Variants in CES5A observed in about 807,000 individuals in gnomAD.
The protein encoded by CES5A is carboxylesterase 5A.
A neutral mutation model predicts 62.9 loss-of-function variants in CES5A; 67 were observed. The observed-to-expected ratio is 1.07, with a 90% CI of 0.88 to 1.31. CES5A has a LOEUF of 1.31. Ranked by LOEUF, CES5A falls within the 50% of genes most tolerant of loss-of-function variation. The pLI is 0.00. For synonymous variants in CES5A, 296 were observed against 280.8 expected (o/e 1.05, Z -0.54); for missense variants, 748 against 708.5 (o/e 1.06, Z -0.63).
At chr16:55,846,892 C>T in intron 11 of CES5A, 52 bp from the exon 12 acceptor site, 4 of 1,480,568 alleles carry the variant, frequency 2.7e-6, no homozygotes, top group Non-Finnish European at 2.8e-6. Flanking sequence ...CTCGGGAAGC[C>T]CCGGGTGCCT....
At chr16:55,911,409 T>C (rs1375915114) in intron 1 of CES5A, among the ~76,000 whole-genome samples, 10 of 152,176 alleles carry the variant, frequency 6.6e-5, no homozygotes, top group Non-Finnish European at 1.5e-4. Flanking sequence ...GAAACGATCG[T>C]GGTGGACAAC....
rs113528963 is a variant in CES5A at position 55,863,064 on chromosome 16, G to A, written c.810+284C>T. On this transcript the variant is annotated intron_variant, in intron 6 of 12. Transcript: ENST00000290567. ...GCACAGAAGAACTGTATAGAATACAGGGGACTGACTTATCTATCACAAGCA... is the reference window on the plus strand; with the variant it reads ...GCACAGAAGAACTGTATAGAATACAAGGGACTGACTTATCTATCACAAGCA... Among the ~76,000 whole-genome samples the A allele has an allele frequency of 2.7e-3, 416 of 152,318 alleles. 7 individuals carry two copies. The highest frequency in any genetic ancestry group is 9.4e-3 in the African/African-American group (390 of 41,558).
upstream of CES5A, among the ~76,000 whole-genome samples, chr16:55,879,069 A>T (rs1471080498): frequency 7.4e-6 from 1 of 134,846 alleles, no homozygotes; most frequent in African/African-American, 2.9e-5. Flanking sequence ...GCACCCCATC[A>T]CTGCACCTCC....
rs368739214 is a variant in CES5A at position 55,901,867 on chromosome 16, GC to G, written c.-256+23455del. ...CAGTGGGTTTTATTTTAATTTCGAG[GC>G]TTACAATTACATTGCAGCTGTGCTG... On this transcript the variant is annotated intron_variant, in intron 1 of 12. Coordinates refer to the CES5A transcript ENST00000518005. Among the ~76,000 whole-genome samples, 7 of 152,208 alleles carry G rather than the reference GC, an allele frequency of 4.6e-5. No individual in the cohort carries two copies. In the East Asian group the frequency reaches 1.2e-3, roughly 25 times the overall value.
At chr16:55,933,933 C>T (rs1252047576) in intron 2 of CES5A, among the ~76,000 whole-genome samples, 1 of 152,134 alleles carries the variant, frequency 6.6e-6, no homozygotes, top group Non-Finnish European at 1.5e-5. Flanking sequence ...CTATCATCTC[C>T]TCTTATTCAT....
Position 55,866,677 on chromosome 16 carries a change from AATAC to A in CES5A, c.552-565_552-562del, listed in dbSNP as rs1367244941. Reference sequence around the variant, plus strand: ...CTCTGCTAAAAAAAAAAAAAAAAAAAATACAAAAAAATTAGCTGGACACGGTGGC... The same window carrying A: ...CTCTGCTAAAAAAAAAAAAAAAAAAAAAAAAAATTAGCTGGACACGGTGGC... On this transcript the variant is annotated intron_variant, in intron 4 of 12. Transcript: ENST00000290567. Among the ~76,000 whole-genome samples, 67 of 132,058 alleles carry A rather than the reference AATAC, an allele frequency of 5.1e-4. 4 individuals carry two copies. Among genetic ancestry groups the A allele is most frequent in the African/African-American group, 1.1e-3 (36 of 33,300 alleles). 86.6% of individuals were successfully genotyped at this position (132,058 alleles called of 152,430 possible).
At chr16:55,919,490 G>A (rs1392961555) in intron 1 of CES5A, among the ~76,000 whole-genome samples, 1 of 152,042 alleles carries the variant, frequency 6.6e-6, no homozygotes, top group African/African-American at 2.4e-5. Context: ...CTTTCCTCAG[G>A]AAGTATGGAC....
chr16:55,939,542 A>G (rs1285907857), intron 2 of CES5A, among the ~76,000 whole-genome samples: 1 of 152,052 alleles, frequency 6.6e-6, no homozygotes, highest in Admixed American at 6.5e-5. Flanking sequence ...GCCCCCTGAC[A>G]CCCTGATGTG....
chr16:55,892,076 T>G (rs1387558405), intron 1 of CES5A, among the ~76,000 whole-genome samples: 2 of 152,090 alleles, frequency 1.3e-5, no homozygotes, highest in African/African-American at 2.4e-5. Flanking sequence ...ATAGAAAACA[T>G]TTGCCATCTA....
chr16:55,887,224 G>A (rs2033825747), intron 1 of CES5A, among the ~76,000 whole-genome samples: 2 of 152,008 alleles, frequency 1.3e-5, no homozygotes, highest in Middle Eastern at 3.4e-3. Flanking sequence ...ATGTTCCCCA[G>A]AGCCTAGGCT....
At chr16:55,925,024 G>A (rs1194351150) in intron 1 of CES5A, among the ~76,000 whole-genome samples, 3 of 151,974 alleles carry the variant, frequency 2.0e-5, no homozygotes, top group Non-Finnish European at 4.4e-5. Context: ...AATAGGATTA[G>A]ATTAAGTTAA....
At chr16:55,865,702 A>G (rs2033442794) in intron 5 of CES5A, among the ~76,000 whole-genome samples, 1 of 152,230 alleles carries the variant, frequency 6.6e-6, no homozygotes, top group Non-Finnish European at 1.5e-5. Context: ...TTTCTCCTCT[A>G]CAAATATAAG....
upstream of CES5A, among the ~76,000 whole-genome samples, chr16:55,877,401 T>C (rs2142420814): frequency 6.6e-6 from 1 of 151,998 alleles, no homozygotes; most frequent in Middle Eastern, 3.4e-3. Flanking sequence ...GCATTACATG[T>C]ATACATATGT....
At chr16:55,899,714 C>T (rs1437444466) in intron 1 of CES5A, among the ~76,000 whole-genome samples, 1 of 152,172 alleles carries the variant, frequency 6.6e-6, no homozygotes, top group Non-Finnish European at 1.5e-5. Flanking sequence ...ATTCGATAGT[C>T]ACAGCTAGTG....
At position 55,863,761 on chromosome 16, in the gene CES5A, C is replaced by CT. The variant is rs35575589; in HGVS notation, c.706-310dup. On this transcript the variant is annotated intron_variant, in intron 5 of 12. Transcript: ENST00000290567. ...AATATTTTTTTATTTCTTTTTATTT[C>CT]TTTTTTTTTTTTTTGAGATGGAGTC... Among the ~76,000 whole-genome samples, 471 of 141,496 alleles carry CT rather than the reference C, an allele frequency of 3.3e-3. 5 individuals carry two copies. The highest frequency in any genetic ancestry group is 0.027 in the East Asian group (133 of 4,854). 92.8% of individuals were successfully genotyped at this position (141,496 alleles called of 152,430 possible).
intron 11 of CES5A, among the ~76,000 whole-genome samples, chr16:55,847,935 G>T (rs977732308): frequency 1.3e-5 from 2 of 151,890 alleles, no homozygotes; most frequent in African/African-American, 2.4e-5. Context: ...ATAAAGATGG[G>T]GTCTCACTCT....
upstream of CES5A, among the ~76,000 whole-genome samples, chr16:55,879,417 C>T (rs2033738298): frequency 6.6e-6 from 1 of 151,576 alleles, no homozygotes. Context: ...ATCACTGTAC[C>T]CCACCTCTGC....
chr16:55,949,835 G>A (rs997252322), exon 2 of CES5A: 36 of 1,525,028 alleles, frequency 2.4e-5, no homozygotes, highest in Non-Finnish European at 2.9e-5. Context: ...TACATACAAA[G>A]TTGAGGAGGC....
chr16:55,864,737 T>G (rs1172296805), intron 5 of CES5A, among the ~76,000 whole-genome samples: 35 of 151,334 alleles, frequency 2.3e-4, no homozygotes, highest in African/African-American at 8.5e-4. Context: ...TCTAAAAAAA[T>G]TTTAAAAAAT....
Sources: gnomAD v4.1 joint callset for allele counts (sites outside exome capture counted in the v4.1 genomes callset) on GRCh38, gnomAD v4.1.1 for gene constraint, MANE v1.5 for transcripts, NCBI Gene and HGNC (gene_info 2026-07-23, HGNC 2026-07-21) for gene names.